GART: variants seen among roughly 807,000 people sequenced by gnomAD.
GART encodes the protein phosphoribosylglycinamide formyltransferase, phosphoribosylglycinamide synthetase, phosphoribosylaminoimidazole synthetase.
Under a neutral mutation model 107.2 loss-of-function variants are expected in GART, and 43 were observed. The ratio of observed to expected loss-of-function variants is 0.40; its 90% confidence interval spans 0.31 to 0.52. The LOEUF (loss-of-function observed/expected upper bound fraction) is 0.52, where lower values mean the gene tolerates loss of function less well. Among genes scored for constraint, GART ranks in the 20% least tolerant of loss-of-function variants. GART has a pLI of 0.52. For missense variants in GART, 1,107 were observed against 1,206.5 expected, an observed-to-expected ratio of 0.92 and a Z score of 1.22; for synonymous variants, 434 against 427.0, an observed-to-expected ratio of 1.02 and a Z score of -0.20.
rs1489635074 is a variant in GART at position 33,538,084 on chromosome 21, A to G, written c.145+1087T>C. Among the ~76,000 whole-genome samples, 15 of 152,118 alleles carry G rather than the reference A, an allele frequency of 9.9e-5. No individual in the cohort carries two copies. The East Asian group carries it at 2.9e-3, about 29-fold the overall frequency. ...ATAGTGAAACCCGGTCTCTACTAAAAAAACAAAAAATTAGCTGGGTGTGGC... is the reference window on the plus strand; with the variant it reads ...ATAGTGAAACCCGGTCTCTACTAAAGAAACAAAAAATTAGCTGGGTGTGGC... On this transcript the variant is annotated intron_variant, in intron 2 of 21. Coordinates refer to ENST00000381815, the MANE Select transcript of GART (RefSeq NM_000819.5).
Position 33,534,614 on chromosome 21 carries a change from G to C in GART, c.381C>G (p.Phe127Leu), listed in dbSNP as rs760843008. 8.1e-6 allele frequency: 13 copies of C among 1,614,072 alleles called. No homozygotes were observed. The highest frequency in any genetic ancestry group is 1.0e-5 in the Non-Finnish European group (12 of 1,180,040). The change falls in exon 4 of 22, where the codon TTC (phenylalanine) becomes TTG (leucine). Residue 127 changes from phenylalanine to leucine, a missense_variant. Physicochemically the swap from Phe to Leu is conservative, Grantham distance 22 (BLOSUM62 0). Coordinates refer to ENST00000381815, the MANE Select transcript of GART (RefSeq NM_000819.5). ...HGIPTAQWKA[F>L]TKPEEACSFI... ...AGCTGCAGGCTTCTTCAGGTTTGGT[G>C]AAAGCCTTCCATTGTGCGGTTGGGA...
rs777095799 is a variant in GART at position 33,522,269 on chromosome 21, T to C, written c.1312A>G (p.Lys438Glu). 13 of 1,612,900 alleles carry C rather than the reference T, an allele frequency of 8.1e-6. No individual in the cohort carries two copies. Among genetic ancestry groups the C allele is most frequent in the Non-Finnish European group, 1.1e-5 (13 of 1,179,012 alleles). Reference protein sequence around the residue: ...FLQQPRSLTYKESGVDIAAGN... With the variant: ...FLQQPRSLTYEESGVDIAAGN... The stretch of plus-strand genomic sequence containing the variant: ...GCTGCGATATCTACTCCAGATTCCT[T>C]GTAAGTCAAACTCCTAAAGAATTAA... The change falls in exon 12 of 22, where the codon AAG (lysine) becomes GAG (glutamate). Residue 438 changes from lysine to glutamate, a missense_variant. Physicochemically the swap from Lys to Glu is moderately conservative, Grantham distance 56. Coordinates refer to ENST00000381815, the MANE Select transcript of GART (RefSeq NM_000819.5).
At chr21:33,530,930 T>TAA (rs763359438) in intron 6 of GART, 46 bp from the exon 7 acceptor site, 34 of 1,256,354 alleles carry the variant, frequency 2.7e-5, no homozygotes, top group South Asian at 5.2e-5. Context: ...TGTCAAAAAC[T>TAA]AAAAAAAAAA....
At chr21:33,534,523 G>A (rs1044650022) in intron 4 of GART, 56 bp downstream of exon 4, 22 of 1,589,936 alleles carry the variant, frequency 1.4e-5, no homozygotes, top group Middle Eastern at 1.7e-4. Flanking sequence ...CCACTGACCT[G>A]TGTATTTAAA....
rs757535117 is a variant in GART, at chr21:33,531,558, CTGATTG to C, written c.529-7_529-2del. On this transcript the variant is annotated splice_acceptor_variant and splice_polypyrimidine_tract_variant and intron_variant, in intron 5 of 21. Coordinates refer to ENST00000381815, the MANE Select transcript of GART (RefSeq NM_000819.5). LOFTEE classifies it high-confidence loss of function. ...CTCCAGCTGCCCCAAAGGCTTTCTC[CTGATTG>C]TAAGATTTTTTTTTTTTTTTTTTTT... 7.4e-5 allele frequency: 117 copies of C among 1,587,496 alleles called. No homozygotes were observed. The highest frequency in any genetic ancestry group is 9.5e-5 in the Non-Finnish European group (111 of 1,172,926).
In GART at chr21:33,524,693, G is replaced by A. The variant is rs2085035705; in HGVS notation, c.1298+76C>T. The A allele has an allele frequency of 6.9e-6, 11 of 1,593,654 alleles. No individual in the cohort carries two copies. The South Asian group carries it at 9.1e-5, about 13-fold the overall frequency. ...AAAAGAATACTGAATGACTTATAGGGTTAATGAAATGTTCTACATAGCCAT... is the reference window on the plus strand; with the variant it reads ...AAAAGAATACTGAATGACTTATAGGATTAATGAAATGTTCTACATAGCCAT... On this transcript the variant is annotated intron_variant, in intron 11 of 21. Coordinates refer to ENST00000381815, the MANE Select transcript of GART (RefSeq NM_000819.5).
rs781768283 is a variant in GART at position 33,528,941 on chromosome 21, G to C, written c.724-4C>G. The C allele has an allele frequency of 8.8e-6, 14 of 1,596,134 alleles. No individual in the cohort carries two copies. The highest frequency in any genetic ancestry group is 1.0e-5 in the Non-Finnish European group (12 of 1,163,846). ...TTAGTAATAGATCATTAGAAACCTGGAGAACGTGCAGAAACAGTTAAATGT... is the reference window on the plus strand; with the variant it reads ...TTAGTAATAGATCATTAGAAACCTGCAGAACGTGCAGAAACAGTTAAATGT... On this transcript the variant is annotated splice_polypyrimidine_tract_variant and splice_region_variant and intron_variant, in intron 7 of 21. Transcript: ENST00000381815.
At chr21:33,538,436 T>C (rs949639363) in intron 2 of GART, among the ~76,000 whole-genome samples, 1 of 151,996 alleles carries the variant, frequency 6.6e-6, no homozygotes, top group Non-Finnish European at 1.5e-5. Context: ...TCTCACTACA[T>C]TGCCCTGGCT....
At chr21:33,512,023 T>C (rs549783620) in intron 16 of GART, among the ~76,000 whole-genome samples, 10 of 152,100 alleles carry the variant, frequency 6.6e-5, no homozygotes, top group Non-Finnish European at 1.3e-4. Flanking sequence ...TTGGATTACA[T>C]GCCTGTAATC....
intron 2 of GART, among the ~76,000 whole-genome samples, chr21:33,537,837 G>C (rs1240302531): frequency 1.3e-5 from 2 of 152,324 alleles, no homozygotes; most frequent in South Asian, 4.1e-4. Context: ...GGCATGGTAA[G>C]GAATTTGAGT....
intron 16 of GART, among the ~76,000 whole-genome samples, chr21:33,513,208 A>T (rs1437693863): frequency 1.3e-5 from 2 of 150,810 alleles, no homozygotes; most frequent in African/African-American, 4.9e-5. Flanking sequence ...CAGGGGATCC[A>T]TCCACCTCAG....
rs7276309 is a variant in GART, at chr21:33,532,020, C to T, written c.528+325G>A. 2,602 of 284,802 alleles carry T rather than the reference C, an allele frequency of 9.1e-3. 63 individuals carry two copies. The highest frequency in any genetic ancestry group is 0.048 in the African/African-American group (2,170 of 44,956). 17.6% of individuals were successfully genotyped at this position (284,802 alleles called of 1,614,324 possible). A position where few individuals can be genotyped will look rare whatever the true frequency, so the allele number is the denominator to read the frequency against. On this transcript the variant is annotated intron_variant, in intron 5 of 21. Transcript: ENST00000381815. ...TTCATTAATTTACTTCTCTTAGACC[C>T]GGGACATGTGGGACAAATACTTTTG...
chr21:33,542,480 G>T (rs2085466421), upstream of GART: 1 of 153,410 alleles, frequency 6.5e-6, no homozygotes. Flanking sequence ...ACCGGGCTTT[G>T]AATGCCGGTC....
chr21:33,533,123 G>A (rs2085225323), intron 4 of GART, among the ~76,000 whole-genome samples: 1 of 152,078 alleles, frequency 6.6e-6, no homozygotes, highest in African/African-American at 2.4e-5. Context: ...AGAGAACAAA[G>A]GATGTTTAAT....
intron 2 of GART, 26 bp from the exon 3 acceptor site, chr21:33,535,346 A>AAAAAAAAC: frequency 2.4e-6 from 3 of 1,233,052 alleles, no homozygotes; most frequent in East Asian, 2.9e-5. Context: ...AAAAAAAAAA[A>AAAAAAAAC]ACCACTGCAT....
intron 3 of GART, 40 bp from the exon 4 acceptor site, chr21:33,534,793 C>T (rs2085273171): frequency 1.3e-6 from 2 of 1,503,530 alleles, no homozygotes. Flanking sequence ...ACCAAGGTCT[C>T]CCCAGGGGCT....
intron 6 of GART, chr21:33,531,267 G>A (rs182164677): frequency 2.3e-5 from 12 of 518,700 alleles, no homozygotes; most frequent in East Asian, 5.9e-5. Flanking sequence ...TCAATAGTGT[G>A]TAAGTCCAAG....
At chr21:33,506,588 G>A (rs1021247652) in intron 18 of GART, among the ~76,000 whole-genome samples, 1 of 152,162 alleles carries the variant, frequency 6.6e-6, no homozygotes, top group Non-Finnish European at 1.5e-5. Context: ...TATGGAAAAA[G>A]CTTCTGTATA....
At chr21:33,530,433 T>G (rs950370806) in intron 7 of GART, among the ~76,000 whole-genome samples, 6 of 152,202 alleles carry the variant, frequency 3.9e-5, no homozygotes, top group African/African-American at 1.4e-4. Context: ...ACAACACTTT[T>G]GTGCTGAACC....
Sources: gnomAD v4.1 joint callset for allele counts (sites outside exome capture counted in the v4.1 genomes callset) on GRCh38, gnomAD v4.1.1 for gene constraint, MANE v1.5 for transcripts, NCBI Gene and HGNC (gene_info 2026-07-23, HGNC 2026-07-21) for gene names.